Variants in PPP2R2D observed in about 807,000 individuals in gnomAD.
PPP2R2D encodes the protein protein phosphatase 2 regulatory subunit Bdelta, also known as serine/threonine-protein phosphatase 2A 55 kDa regulatory subunit B delta isoform.
In PPP2R2D, 9 loss-of-function variants were observed where a neutral mutation model predicts 31.1. The ratio of observed to expected loss-of-function variants is 0.29; its 90% CI spans 0.17 to 0.51. The LOEUF (loss-of-function observed/expected upper bound fraction) is 0.51, where lower values mean the gene tolerates loss of function less well. Ranked by LOEUF, PPP2R2D falls within the 20% of genes least tolerant of loss-of-function variation. The pLI, the probability that PPP2R2D is intolerant of heterozygous loss-of-function variation, is 0.98. For missense variants in PPP2R2D, 391 were observed against 465.6 expected (o/e 0.84, Z 1.48); for synonymous variants, 179 against 172.6 (o/e 1.04, Z -0.29).
Position 131,947,805 on chromosome 10 carries a change from G to A in PPP2R2D, c.1082+14G>A, listed in dbSNP as rs782559592. 1.2e-6 allele frequency: 2 copies of A among 1,606,530 alleles called. No homozygotes were observed. The highest frequency in any genetic ancestry group is 8.5e-7 in the Non-Finnish European group (1 of 1,173,814). On this transcript the variant is annotated intron_variant, in intron 8 of 8. Transcript: ENST00000455566. The surrounding 1 kb of genome is among the most constrained non-coding windows in gnomAD (Gnocchi z 4.3). ...CGGTTCGGATAGGTAAGGCCTGCGTGGAGATGAGCTGTCGCCCCAAGCTTG... is the reference window on the plus strand; with the variant it reads ...CGGTTCGGATAGGTAAGGCCTGCGTAGAGATGAGCTGTCGCCCCAAGCTTG...
the PPP2R2D span, chr10:131,971,316 C>T: frequency 7.3e-5 from 22 of 302,662 alleles, no homozygotes; most frequent in East Asian, 1.5e-3. Context: ...AAGATGGTGA[C>T]GGCAGCACTG....
intron 7 of PPP2R2D, among the ~76,000 whole-genome samples, chr10:131,946,939 G>A (rs1395478992): frequency 6.6e-6 from 1 of 152,036 alleles, no homozygotes; most frequent in African/African-American, 2.4e-5. Flanking sequence ...GCTTTGACCG[G>A]CGGGACCGTC....
At chr10:131,910,428 A>G (rs940370462) in intron 2 of PPP2R2D, among the ~76,000 whole-genome samples, 41 of 152,330 alleles carry the variant, frequency 2.7e-4, no homozygotes, top group African/African-American at 9.4e-4. Flanking sequence ...AAGTTTTCCA[A>G]AATTCTAATT....
chr10:131,951,942 G>A (rs1248024072), intron 8 of PPP2R2D, among the ~76,000 whole-genome samples: 5 of 152,248 alleles, frequency 3.3e-5, no homozygotes, highest in Admixed American at 2.6e-4. Flanking sequence ...TTTCCAGAGT[G>A]GCAACACAGT....
intron 5 of PPP2R2D, among the ~76,000 whole-genome samples, chr10:131,941,133 G>A (rs1324327211): frequency 6.6e-6 from 1 of 152,074 alleles, no homozygotes; most frequent in East Asian, 1.9e-4. Flanking sequence ...AATTTCTTTG[G>A]GGTTGGTTTA....
At chr10:131,953,390 T>G (rs1444955446) in intron 8 of PPP2R2D, among the ~76,000 whole-genome samples, 4 of 52,954 alleles carry the variant, frequency 7.6e-5, no homozygotes, top group Non-Finnish European at 9.8e-5. Flanking sequence ...TGCAGGTGTG[T>G]GGGGGGTTCA....
chr10:131,904,997 T>TA (rs879031780), intron 2 of PPP2R2D, among the ~76,000 whole-genome samples: 50 of 151,366 alleles, frequency 3.3e-4, no homozygotes, highest in East Asian at 7.8e-4. Flanking sequence ...CTTTTTTTTT[T>TA]AAAAGAATTG....
At chr10:131,952,961 A>G (rs1318506451) in intron 8 of PPP2R2D, among the ~76,000 whole-genome samples, 80 of 21,508 alleles carry the variant, frequency 3.7e-3, no homozygotes, top group Admixed American at 5.2e-3. Context: ...GTGACTTGCG[A>G]GTGTGCGGGG....
Position 131,947,153 on chromosome 10 carries a change from C to T in PPP2R2D, c.821-377C>T, listed in dbSNP as rs1182671288. 5.9e-5 allele frequency among the ~76,000 whole-genome samples: 9 copies of T among 152,300 alleles called. No individual in the cohort carries two copies. In the Middle Eastern group the frequency reaches 0.01, roughly 173 times the overall value. ...GCTCGGGCCTGGTGCCATGAGGACG[C>T]GGAGACACTCCTACAGGAATGCGGT... is the stretch of plus-strand genomic sequence containing the variant. On this transcript the variant is annotated intron_variant, in intron 7 of 8. Coordinates refer to ENST00000455566, the MANE Select transcript of PPP2R2D (RefSeq NM_018461.5). The surrounding 1 kb of genome is among the most constrained non-coding windows in gnomAD (Gnocchi z 4.3).
At chr10:131,960,527 G>A (rs1260527240), downstream of PPP2R2D, among the ~76,000 whole-genome samples, 2 of 152,218 alleles carry the variant, frequency 1.3e-5, no homozygotes, top group African/African-American at 2.4e-5. Flanking sequence ...GCTGGAGACT[G>A]CAGCATGTGC....
At position 131,901,030 on chromosome 10, in the gene PPP2R2D, CGGCGGCGGCGGCGGCGCCGGCGGTGGT is replaced by C. The variant is rs1187797728; in HGVS notation, c.-112_-86del. The C allele has an allele frequency of 1.6e-4, 25 of 153,834 alleles. No individual in the cohort carries two copies. The highest frequency in any genetic ancestry group is 3.8e-4 in the East Asian group (2 of 5,294). The allele number at this position is 153,834 out of a possible 1,614,324, so 9.5% of individuals were successfully genotyped here. ...GAAAAAAATCCCTCCCCGGCGGCGG[CGGCGGCGGCGGCGGCGCCGGCGGTGGT>C]GGCGGCCCCGGGGCTGAGCGCTCGG... On this transcript the variant is annotated 5_prime_UTR_variant, in exon 1 of 9. Transcript: ENST00000455566.
intron 2 of PPP2R2D, among the ~76,000 whole-genome samples, chr10:131,924,524 A>G (rs572009120): frequency 6.6e-5 from 10 of 152,258 alleles, no homozygotes; most frequent in South Asian, 2.1e-4. Context: ...CCATTGGTCT[A>G]TATGTCTGTC....
chr10:131,969,387 TGAC>T, the PPP2R2D span: 6 of 152,124 alleles, frequency 3.9e-5, no homozygotes, highest in African/African-American at 1.2e-4. Flanking sequence ...AGAGTCTGCT[TGAC>T]AGTTCTGGAA....
rs1436905893 is a variant in PPP2R2D, at chr10:131,945,728, GGT to G, written c.820+273_820+274del. On this transcript the variant is annotated intron_variant, in intron 7 of 8. Coordinates refer to ENST00000455566, the MANE Select transcript of PPP2R2D (RefSeq NM_018461.5). This position sits in a 1 kb window ranked among gnomAD's most constrained non-coding sequence, Gnocchi z 4.8. ...GGCCTCCCAAAGTGCTGGGATTACA[GGT>G]GTGAGTCACCGCACCTGGTCACGCC... The G allele has an allele frequency of 7.6e-6, 3 of 396,506 alleles. No individual in the cohort carries two copies. The highest frequency in any genetic ancestry group is 1.4e-5 in the Non-Finnish European group (3 of 219,556). 24.6% of individuals were successfully genotyped at this position (396,506 alleles called of 1,614,324 possible).
At chr10:131,902,663 A>G (rs2035519494) in intron 2 of PPP2R2D, among the ~76,000 whole-genome samples, 1 of 152,248 alleles carries the variant, frequency 6.6e-6, no homozygotes, top group Non-Finnish European at 1.5e-5. Flanking sequence ...GCCTTACTCA[A>G]GTGTGATTTC....
At chr10:131,919,267 G>A (rs2035911005) in intron 2 of PPP2R2D, among the ~76,000 whole-genome samples, 2 of 118,412 alleles carry the variant, frequency 1.7e-5, no homozygotes, top group African/African-American at 6.6e-5. Flanking sequence ...CCTCACGTGG[G>A]TGGAATGGCA....
At chr10:131,922,192 T>C (rs1554894337) in intron 2 of PPP2R2D, among the ~76,000 whole-genome samples, 3 of 152,160 alleles carry the variant, frequency 2.0e-5, no homozygotes, top group Admixed American at 6.5e-5. Context: ...TAAAACACAA[T>C]AAAAGATTGA....
intron 8 of PPP2R2D, among the ~76,000 whole-genome samples, chr10:131,948,164 T>C (rs782580867): frequency 6.6e-6 from 1 of 152,222 alleles, no homozygotes; most frequent in Admixed American, 6.5e-5. Flanking sequence ...CTGCCTTTCC[T>C]TCTGGAGAGA....
At chr10:131,901,496 G>A (rs1215008568) in intron 2 of PPP2R2D, among the ~76,000 whole-genome samples, 166 bp downstream of exon 2, 1 of 151,858 alleles carries the variant, frequency 6.6e-6, no homozygotes, top group Non-Finnish European at 1.5e-5. Context: ...GGGGGCGGCC[G>A]TCCTCTGTCC....
Sources: allele counts gnomAD v4.1 joint callset (sites outside exome capture counted in the v4.1 genomes callset), GRCh38; gene constraint gnomAD v4.1.1; non-coding constraint Gnocchi (gnomAD v3.1); transcripts MANE v1.5; gene names NCBI Gene and HGNC (gene_info 2026-07-23, HGNC 2026-07-21).